GPC3: variants seen among roughly 807,000 people sequenced by gnomAD.
GPC3 encodes the protein glypican-3.
Under a neutral mutation model 34.4 loss-of-function variants are expected in GPC3, and 3 were observed. That is an observed-to-expected ratio of 0.09 (90% CI 0.04 to 0.23). The LOEUF is 0.23. Ranked by LOEUF, GPC3 falls within the 10% of genes least tolerant of loss-of-function variation. The probability of loss-of-function intolerance (pLI) is 1.00; values close to 1 mark genes in which losing one functional copy is unlikely to be tolerated. For synonymous variants in GPC3, 177 were observed against 174.0 expected, an observed-to-expected ratio of 1.02 and a Z score of -0.13; for missense variants, 351 against 445.6, an observed-to-expected ratio of 0.79 and a Z score of 1.91.
Position 133,713,420 on chromosome X carries a change from A to C in GPC3, c.1033-13392T>G, listed in dbSNP as rs1296646525. On this transcript the variant is annotated intron_variant, in intron 3 of 7. Transcript: ENST00000370818. Reference sequence around the variant, plus strand: ...TAAAAAAAGCTAGTTTCACTTAAGAATATACTTGAAGAGGCAGTAAAAGTT... The same window carrying C: ...TAAAAAAAGCTAGTTTCACTTAAGACTATACTTGAAGAGGCAGTAAAAGTT... 2.7e-5 allele frequency among the ~76,000 whole-genome samples: 3 copies of C among 112,132 alleles called. No homozygotes were observed. The East Asian group carries it at 8.4e-4, about 31-fold the overall frequency.
At chrX:133,837,457 A>G (rs1409240199) in intron 2 of GPC3, among the ~76,000 whole-genome samples, 1 of 112,216 alleles carries the variant, frequency 8.9e-6, no homozygotes, top group Non-Finnish European at 1.9e-5. Context: ...CTATAGCCTA[A>G]AGGTTAAAGG....
At chrX:133,869,523 G>A (rs1192861377) in intron 2 of GPC3, among the ~76,000 whole-genome samples, 3 of 112,288 alleles carry the variant, frequency 2.7e-5, no homozygotes, top group Admixed American at 1.9e-4. Context: ...AAGGACTACT[G>A]ACACAAACCA....
intron 2 of GPC3, among the ~76,000 whole-genome samples, chrX:133,797,004 G>A (rs1480054173): frequency 9.0e-6 from 1 of 110,914 alleles, no homozygotes; most frequent in Non-Finnish European, 1.9e-5. Context: ...CAATAACTGG[G>A]CCTTTGGAAT....
chrX:133,837,963 T>C (rs1233745253), intron 2 of GPC3, among the ~76,000 whole-genome samples: 1 of 112,271 alleles, frequency 8.9e-6, no homozygotes, highest in Non-Finnish European at 1.9e-5. Flanking sequence ...GAATTCTTTA[T>C]TCAGCAGTGG....
chrX:133,649,125 G>T (rs2070571772), intron 6 of GPC3, among the ~76,000 whole-genome samples: 1 of 111,227 alleles, frequency 9.0e-6, no homozygotes. Context: ...GAATGCAAAT[G>T]GTGATGATAT....
At chrX:133,956,513 GGC>G (rs780370861) in intron 1 of GPC3, among the ~76,000 whole-genome samples, 31 of 112,005 alleles carry the variant, frequency 2.8e-4, no homozygotes, top group African/African-American at 9.1e-4. Flanking sequence ...AATCCTATGT[GGC>G]AGGTACTTTC....
At chrX:133,799,124 G>T (rs1369427606) in intron 2 of GPC3, among the ~76,000 whole-genome samples, 2 of 112,332 alleles carry the variant, frequency 1.8e-5, no homozygotes, top group Admixed American at 1.9e-4. Flanking sequence ...GGGCACGGTG[G>T]CTCACGCCTG....
intron 3 of GPC3, among the ~76,000 whole-genome samples, chrX:133,752,610 A>G (rs2071676765): frequency 9.0e-6 from 1 of 111,706 alleles, no homozygotes; most frequent in African/African-American, 3.3e-5. Context: ...ATGTTCTGCT[A>G]TATATTGGAA....
At chrX:133,589,402 G>A (rs1438282241) in intron 7 of GPC3, among the ~76,000 whole-genome samples, 1 of 110,965 alleles carries the variant, frequency 9.0e-6, no homozygotes, top group Non-Finnish European at 1.9e-5. Flanking sequence ...TTGAGATGGA[G>A]TCTCACTCTT....
At chrX:133,717,376 A>G (rs1280221815) in intron 3 of GPC3, among the ~76,000 whole-genome samples, 1 of 111,527 alleles carries the variant, frequency 9.0e-6, no homozygotes, top group East Asian at 2.8e-4. Context: ...AGAAGAAGTA[A>G]AAGCTAAAAG....
chrX:133,784,885 C>A (rs148228441), intron 2 of GPC3, among the ~76,000 whole-genome samples: 3 of 112,053 alleles, frequency 2.7e-5, no homozygotes, highest in Admixed American at 9.5e-5. Flanking sequence ...CTTTCCTCCC[C>A]GCCGGCCCTA....
At chrX:133,586,952 T>C (rs1430615444) in intron 7 of GPC3, among the ~76,000 whole-genome samples, 1 of 111,816 alleles carries the variant, frequency 8.9e-6, no homozygotes, top group Non-Finnish European at 1.9e-5. Context: ...TTATCATTTC[T>C]TTGTGCTGGG....
At chrX:133,890,290 T>C (rs2076080876) in intron 2 of GPC3, among the ~76,000 whole-genome samples, 1 of 111,851 alleles carries the variant, frequency 8.9e-6, no homozygotes, top group African/African-American at 3.2e-5. Context: ...TAGTTTTTCA[T>C]TTTCTTGATA....
At chrX:133,552,300 G>A (rs1011536916) in intron 7 of GPC3, among the ~76,000 whole-genome samples, 1 of 112,125 alleles carries the variant, frequency 8.9e-6, no homozygotes, top group African/African-American at 3.2e-5. Context: ...AAGCATAAGG[G>A]TTAAAGTGAC....
chrX:133,598,430 C>A (rs940786787), intron 6 of GPC3, among the ~76,000 whole-genome samples: 2 of 110,693 alleles, frequency 1.8e-5, no homozygotes, highest in African/African-American at 6.6e-5. Flanking sequence ...TAAGATAATT[C>A]ATAGGAAGAG....
chrX:133,788,069 A>G (rs2072119858), intron 2 of GPC3, among the ~76,000 whole-genome samples: 3 of 89,963 alleles, frequency 3.3e-5, no homozygotes, highest in Non-Finnish European at 4.2e-5. Flanking sequence ...AATATATAAT[A>G]TAAAGATATC....
chrX:133,570,668 C>T (rs1201679016), intron 7 of GPC3, among the ~76,000 whole-genome samples: 1 of 112,023 alleles, frequency 8.9e-6, no homozygotes, highest in Admixed American at 9.5e-5. Flanking sequence ...CTTTTCTCAG[C>T]ATGAGACCCA....
chrX:133,955,138 A>G (rs768769098), intron 1 of GPC3, among the ~76,000 whole-genome samples: 90 of 110,815 alleles, frequency 8.1e-4, no homozygotes, highest in African/African-American at 2.9e-3. Context: ...TAATTGACTA[A>G]TGGTCCCAGC....
chrX:133,556,795 A>G (rs1409298283), intron 7 of GPC3, among the ~76,000 whole-genome samples: 2 of 79,652 alleles, frequency 2.5e-5, no homozygotes, highest in African/African-American at 9.5e-5. Context: ...GGGGGGAGGG[A>G]TAACATTAGG....
Sources: gnomAD v4.1 joint callset for allele counts (sites outside exome capture counted in the v4.1 genomes callset) on GRCh38, gnomAD v4.1.1 for gene constraint, MANE v1.5 for transcripts, NCBI Gene and HGNC (gene_info 2026-07-23, HGNC 2026-07-21) for gene names.